Variants in KRT26 observed in about 807,000 individuals in gnomAD.
The protein encoded by KRT26 is keratin, type I cytoskeletal 26.
A neutral mutation model predicts 46.1 loss-of-function variants in KRT26; 45 were observed. The ratio of observed to expected loss-of-function variants is 0.98; its 90% CI spans 0.77 to 1.25. KRT26 has a LOEUF of 1.25. Ranked by LOEUF, KRT26 falls within the 50% of genes most tolerant of loss-of-function variation. The pLI is 0.00. For synonymous variants in KRT26, 191 were observed against 209.9 expected (o/e 0.91, Z 0.78); for missense variants, 582 against 560.1 (o/e 1.04, Z -0.39).
intron 1 of KRT26, 61 bp from the exon 2 acceptor site, chr17:40,771,297 C>A (rs1401275701): frequency 7.0e-6 from 6 of 861,254 alleles, no homozygotes; most frequent in African/African-American, 6.8e-5. Context: ...CTCCAGACTT[C>A]AGTGTGATTT....
exon 8 of KRT26, chr17:40,766,442 C>T: frequency 7.5e-7 from 1 of 1,328,158 alleles, no homozygotes; most frequent in Non-Finnish European, 1.0e-6. Context: ...AGGATTTTTG[C>T]AAAGGCAGCC....
At chr17:40,768,895 G>C in exon 6 of KRT26, 1 of 1,497,392 alleles carries the variant, frequency 6.7e-7, no homozygotes, top group Non-Finnish European at 9.2e-7. Flanking sequence ...TCTCCATCTA[G>C]TAAGTTGCAA....
chr17:40,769,089 G>T, exon 6 of KRT26: 1 of 1,610,478 alleles, frequency 6.2e-7, no homozygotes, highest in South Asian at 1.1e-5. Flanking sequence ...GCATTCATAG[G>T]AATGTTTCTG....
chr17:40,766,566 A>G (rs1342345399), exon 8 of KRT26: 10 of 1,613,718 alleles, frequency 6.2e-6, no homozygotes, highest in South Asian at 5.5e-5. Context: ...TGCTTATTTT[A>G]GAGGACTTTT....
Position 40,771,138 on chromosome 17 carries a change from G to T in KRT26, c.524+16C>A. On this transcript the variant is annotated intron_variant, in intron 2 of 7. Transcript: ENST00000335552. ...TAACTTTTATTAATATAATTAATCA[G>T]TTTGTTTTCACCTACTTCAGCCTGA... is the stretch of plus-strand genomic sequence containing the variant. 2 of 1,472,736 alleles carry T rather than the reference G, an allele frequency of 1.4e-6. No individual in the cohort carries two copies. The highest frequency in any genetic ancestry group is 1.9e-6 in the Non-Finnish European group (2 of 1,074,216). The allele number at this position is 1,472,736 out of a possible 1,614,324, so 91.2% of individuals were successfully genotyped here.
chr17:40,769,088 G>A (rs1166810755), exon 6 of KRT26: 2 of 1,611,476 alleles, frequency 1.2e-6, no homozygotes, highest in Non-Finnish European at 8.5e-7. Context: ...AGCATTCATA[G>A]GAATGTTTCT....
In KRT26 at chr17:40,770,141, T is replaced by C. The variant is rs373225083; in HGVS notation, c.682-19A>G. 184 of 1,613,952 alleles carry C rather than the reference T, an allele frequency of 1.1e-4. No individual in the cohort carries two copies. Among genetic ancestry groups the C allele is most frequent in the Non-Finnish European group, 1.5e-4 (180 of 1,179,904 alleles). On this transcript the variant is annotated intron_variant, in intron 3 of 7. Coordinates refer to ENST00000335552, the Ensembl canonical transcript of KRT26. ...CCATTTCCTAGAAAAGGGATCGGTA[T>C]TCATCCTCAGTGGAGGATTTTGATT...
At chr17:40,771,684 G>A (rs544629086) in exon 1 of KRT26, 2 of 1,607,242 alleles carry the variant, frequency 1.2e-6, no homozygotes, top group African/African-American at 1.3e-5. Context: ...TGCCTTTTAA[G>A]ATCTTCTATG....
chr17:40,770,445 G>A lies in KRT26; in HGVS notation c.525-36C>T, dbSNP rs200496634. 6.3e-5 allele frequency: 97 copies of A among 1,534,844 alleles called. No individual in the cohort carries two copies. The East Asian group carries it at 1.5e-3, about 23-fold the overall frequency. ...AGTAAGGCACCTGAGAGTTGTCATCGTAGGCAGGTGCAAAGCACAACTTTT... is the reference window on the plus strand; with the variant it reads ...AGTAAGGCACCTGAGAGTTGTCATCATAGGCAGGTGCAAAGCACAACTTTT... On this transcript the variant is annotated intron_variant, in intron 2 of 7. Transcript: ENST00000335552.
chr17:40,766,415 T>C (rs1430067541), exon 8 of KRT26: 1 of 937,440 alleles, frequency 1.1e-6, no homozygotes, highest in East Asian at 2.5e-5. Flanking sequence ...ATAATTTCCT[T>C]AGGTTATTTG....
chr17:40,768,487 A>G (rs1016883674), intron 6 of KRT26, among the ~76,000 whole-genome samples: 9 of 152,194 alleles, frequency 5.9e-5, no homozygotes, highest in African/African-American at 1.2e-4. Context: ...AATTCTTCCT[A>G]TATCTTCATT....
exon 1 of KRT26, chr17:40,771,928 C>T (rs1005181412): frequency 6.2e-7 from 1 of 1,614,098 alleles, no homozygotes; most frequent in Non-Finnish European, 8.5e-7. Context: ...CACTTCCCAA[C>T]CCTCCACCGC....
chr17:40,768,204 G>T (rs750197394), intron 6 of KRT26, among the ~76,000 whole-genome samples: 1 of 152,154 alleles, frequency 6.6e-6, no homozygotes, highest in South Asian at 2.1e-4. Context: ...CTCACTATGC[G>T]GCCATGGGCA....
chr17:40,766,575 TTCTTCAACTGAGTGG>T, exon 8 of KRT26: 1 of 1,613,782 alleles, frequency 6.2e-7, no homozygotes, highest in Non-Finnish European at 8.5e-7. Flanking sequence ...TAGAGGACTT[TTCTTCAACTGAGTGG>T]ACTCTCAGTG....
chr17:40,770,231 G>A (rs746733455), intron 3 of KRT26, 22 bp downstream of exon 3: 3 of 1,614,042 alleles, frequency 1.9e-6, no homozygotes, highest in Non-Finnish European at 1.7e-6. Flanking sequence ...ACTGTATGAA[G>A]CCACTCTGCA....
At chr17:40,768,914 A>C in exon 6 of KRT26, 1 of 1,605,524 alleles carries the variant, frequency 6.2e-7, no homozygotes, top group Non-Finnish European at 8.5e-7. Flanking sequence ...AATAAATGTC[A>C]ATTTCTTTTT....
chr17:40,766,448 C>T (rs2038172502), exon 8 of KRT26: 4 of 1,363,600 alleles, frequency 2.9e-6, no homozygotes, highest in Middle Eastern at 2.6e-4. Flanking sequence ...TTTGCAAAGG[C>T]AGCCTTTCTT....
intron 2 of KRT26, 73 bp downstream of exon 2, chr17:40,771,081 A>G (rs2038217696): frequency 3.3e-6 from 3 of 897,542 alleles, no homozygotes; most frequent in Non-Finnish European, 5.0e-6. Context: ...TTCAAAGCAA[A>G]ATATATATTC....
At chr17:40,770,055 A>G (rs1336297425) in exon 4 of KRT26, 2 of 1,613,728 alleles carry the variant, frequency 1.2e-6, no homozygotes, top group African/African-American at 1.3e-5. Flanking sequence ...AGTTAGGTCC[A>G]CTCCTGGGGT....
Sources: allele counts gnomAD v4.1 joint callset (sites outside exome capture counted in the v4.1 genomes callset), GRCh38; gene constraint gnomAD v4.1.1; transcripts MANE v1.5; gene names NCBI Gene and HGNC (gene_info 2026-07-23, HGNC 2026-07-21).